Variants in SIPA1L1 observed in about 807,000 individuals in gnomAD.
The protein encoded by SIPA1L1 is signal-induced proliferation-associated 1-like protein 1.
SIPA1L1 carries 26 observed loss-of-function variants against 162.7 expected under a neutral mutation model. The ratio of observed to expected loss-of-function variants is 0.16; its 90% CI spans 0.12 to 0.22. SIPA1L1 has a LOEUF of 0.22. Ranked by LOEUF, SIPA1L1 falls within the 10% of genes least tolerant of loss-of-function variation. SIPA1L1 has a pLI of 1.00. For synonymous variants in SIPA1L1, 829 were observed against 837.4 expected (o/e 0.99, Z 0.17); for missense variants, 1,874 against 2,241.0 (o/e 0.84, Z 3.31).
rs777415215 is a variant in SIPA1L1, at chr14:71,356,567, C to CCAAAAAAAAAAAAAAAAAAA, written c.-465+35386_-465+35387insCAAAAAAAAAAAAAAAAAAA. Among the ~76,000 whole-genome samples the CCAAAAAAAAAAAAAAAAAAA allele has an allele frequency of 3.1e-4, 12 of 39,162 alleles. 2 individuals are homozygous for CCAAAAAAAAAAAAAAAAAAA. Among genetic ancestry groups the CCAAAAAAAAAAAAAAAAAAA allele is most frequent in the African/African-American group, 1.3e-3 (12 of 9,168 alleles). 25.7% of individuals were successfully genotyped at this position (39,162 alleles called of 152,430 possible). On this transcript the variant is annotated intron_variant, in intron 2 of 23. Coordinates refer to ENST00000381232, the MANE Select transcript of SIPA1L1 (RefSeq NM_001386936.1). ...GCAACATAGCAAGACCTTGTCTCTA[C>CCAAAAAAAAAAAAAAAAAAA]AAAAAAAAAAAAAAAAAAAAGCACA...
At chr14:71,498,549 G>T (rs538232444) in intron 2 of SIPA1L1, among the ~76,000 whole-genome samples, 2 of 152,132 alleles carry the variant, frequency 1.3e-5, no homozygotes, top group East Asian at 3.9e-4. Context: ...CCTCCAAACT[G>T]GGGGCCCTGA....
Position 71,402,087 on chromosome 14 carries a change from C to T in SIPA1L1, c.-465+80906C>T, listed in dbSNP as rs534128820. Among the ~76,000 whole-genome samples, 233 of 151,764 alleles carry T rather than the reference C, an allele frequency of 1.5e-3. 1 individual carries two copies. The highest frequency in any genetic ancestry group is 2.8e-3 in the Admixed American group (43 of 15,256). ...TCCCGTTATTAAGTTAGCTGTATGA[C>T]GTTGGCCAAGTTACTTAACTGTTAG... On this transcript the variant is annotated intron_variant, in intron 2 of 23. Coordinates refer to ENST00000381232, the MANE Select transcript of SIPA1L1 (RefSeq NM_001386936.1).
intron 2 of SIPA1L1, among the ~76,000 whole-genome samples, chr14:71,383,995 G>A (rs997769282): frequency 6.6e-6 from 1 of 152,140 alleles, no homozygotes; most frequent in African/African-American, 2.4e-5. Context: ...CAGGAGGACG[G>A]GCCCTTCCAT....
chr14:71,643,285 G>A (rs2041886344), intron 7 of SIPA1L1, among the ~76,000 whole-genome samples: 1 of 152,220 alleles, frequency 6.6e-6, no homozygotes, highest in South Asian at 2.1e-4. Context: ...AATAAACAAT[G>A]AACATAGGAA....
At chr14:71,385,407 T>C (rs1324866626) in intron 2 of SIPA1L1, among the ~76,000 whole-genome samples, 1 of 152,174 alleles carries the variant, frequency 6.6e-6, no homozygotes, top group East Asian at 1.9e-4. Flanking sequence ...TGCTGATTAC[T>C]GAAAAATTTA....
At chr14:71,711,403 A>C (rs147382083) in intron 17 of SIPA1L1, among the ~76,000 whole-genome samples, 12 of 152,306 alleles carry the variant, frequency 7.9e-5, no homozygotes, top group Non-Finnish European at 1.8e-4. Flanking sequence ...AACATTTTGC[A>C]TATCTGAATA....
chr14:71,354,310 C>T (rs527537762), intron 2 of SIPA1L1, among the ~76,000 whole-genome samples: 150 of 147,480 alleles, frequency 1.0e-3, no homozygotes, highest in African/African-American at 3.7e-3. Context: ...GATGGAGTCA[C>T]GCTCTGTTGC....
chr14:71,353,020 A>G (rs1480157202), intron 2 of SIPA1L1, among the ~76,000 whole-genome samples: 1 of 152,260 alleles, frequency 6.6e-6, no homozygotes, highest in Non-Finnish European at 1.5e-5. Context: ...TGGTTAAATG[A>G]CCATATACAT....
intron 2 of SIPA1L1, among the ~76,000 whole-genome samples, chr14:71,483,136 T>C (rs1381612927): frequency 6.6e-6 from 1 of 152,220 alleles, no homozygotes; most frequent in South Asian, 2.1e-4. Context: ...TTAAAAGTGG[T>C]CAGAATTTGA....
intron 17 of SIPA1L1, among the ~76,000 whole-genome samples, chr14:71,717,161 G>C (rs1462284864): frequency 6.6e-6 from 1 of 152,172 alleles, no homozygotes; most frequent in Non-Finnish European, 1.5e-5. Context: ...GCCTCCCAAA[G>C]TGCTGGGATT....
intron 2 of SIPA1L1, among the ~76,000 whole-genome samples, chr14:71,435,352 T>C (rs1269517612): frequency 6.6e-6 from 1 of 151,754 alleles, no homozygotes; most frequent in African/African-American, 2.4e-5. Flanking sequence ...CAGGCCCCGG[T>C]GTGTGATGTT....
intron 8 of SIPA1L1, among the ~76,000 whole-genome samples, chr14:71,657,291 T>C (rs2043141948): frequency 7.0e-6 from 1 of 142,976 alleles, no homozygotes; most frequent in Non-Finnish European, 1.5e-5. Flanking sequence ...GAGGTTGCAG[T>C]GAGCCGAGAT....
chr14:71,373,758 T>A (rs2141054213), intron 2 of SIPA1L1, among the ~76,000 whole-genome samples: 1 of 152,230 alleles, frequency 6.6e-6, no homozygotes, highest in Middle Eastern at 3.4e-3. Context: ...CCTTTGTGAT[T>A]TGAAAGCTAT....
At chr14:71,664,192 A>G (rs997037330) in intron 10 of SIPA1L1, among the ~76,000 whole-genome samples, 12 of 152,180 alleles carry the variant, frequency 7.9e-5, no homozygotes, top group Non-Finnish European at 1.5e-4. Flanking sequence ...CAGATAAAAC[A>G]TGGGTCTTCA....
rs185645582 is a variant in SIPA1L1 at position 71,628,185 on chromosome 14, C to T, written c.1818+3949C>T. Among the ~76,000 whole-genome samples the T allele has an allele frequency of 4.0e-3, 608 of 152,264 alleles. 24 individuals carry two copies. In the East Asian group the frequency reaches 0.092, roughly 23 times the overall value. On this transcript the variant is annotated intron_variant, in intron 7 of 23. Coordinates refer to ENST00000381232, the MANE Select transcript of SIPA1L1 (RefSeq NM_001386936.1). ...TAGGAATTTTGTTATTTAATCAAGTCAGCTTTTAAATAATGTAGAAAATTC... is the reference window on the plus strand; with the variant it reads ...TAGGAATTTTGTTATTTAATCAAGTTAGCTTTTAAATAATGTAGAAAATTC...
intron 2 of SIPA1L1, among the ~76,000 whole-genome samples, chr14:71,461,308 G>T (rs1253205256): frequency 6.6e-6 from 1 of 152,186 alleles, no homozygotes; most frequent in Non-Finnish European, 1.5e-5. Context: ...AGTGGCCGTA[G>T]CCAGGACAGC....
At chr14:71,735,660 G>A (rs896208799) in intron 22 of SIPA1L1, 1 of 328,988 alleles carries the variant, frequency 3.0e-6, no homozygotes, top group East Asian at 6.0e-5. Flanking sequence ...GCCAGTTGGG[G>A]CAGGTAGGAG....
intron 2 of SIPA1L1, among the ~76,000 whole-genome samples, chr14:71,394,971 GC>G (rs2041064595): frequency 6.6e-6 from 1 of 152,082 alleles, no homozygotes; most frequent in Non-Finnish European, 1.5e-5. Flanking sequence ...TAATAATGGG[GC>G]TGCATTATAT....
At chr14:71,383,848 T>C (rs980174807) in intron 2 of SIPA1L1, among the ~76,000 whole-genome samples, 2 of 152,150 alleles carry the variant, frequency 1.3e-5, no homozygotes, top group African/African-American at 4.8e-5. Context: ...CCTTCCACAC[T>C]GGGGAACACA....
Sources: allele counts gnomAD v4.1 joint callset (sites outside exome capture counted in the v4.1 genomes callset), GRCh38; gene constraint gnomAD v4.1.1; transcripts MANE v1.5; gene names NCBI Gene and HGNC (gene_info 2026-07-23, HGNC 2026-07-21).